NGEF: variants seen among roughly 807,000 people sequenced by gnomAD.
NGEF encodes neuronal guanine nucleotide exchange factor, also known as ephexin-1.
In NGEF, 31 loss-of-function variants were observed where a neutral mutation model predicts 80.9. That is an observed-to-expected ratio of 0.38 (90% CI 0.29 to 0.52). The LOEUF (loss-of-function observed/expected upper bound fraction) is 0.52, where lower values mean the gene tolerates loss of function less well. Among genes scored for constraint, NGEF ranks in the 20% least tolerant of loss-of-function variants. The probability of loss-of-function intolerance (pLI) is 0.84; values close to 1 mark genes in which losing one functional copy is unlikely to be tolerated. For synonymous variants in NGEF, 371 were observed against 370.2 expected (o/e 1.00, Z -0.03); for missense variants, 709 against 926.2 (o/e 0.77, Z 3.04).
chr2:233,006,100 G>A (rs1695078905), intron 1 of NGEF, among the ~76,000 whole-genome samples: 1 of 152,220 alleles, frequency 6.6e-6, no homozygotes, highest in Admixed American at 6.5e-5. Flanking sequence ...ACAGGCGTGA[G>A]CCACTGCGCC....
chr2:232,994,893 T>C (rs1474171440), intron 1 of NGEF, among the ~76,000 whole-genome samples: 1 of 150,856 alleles, frequency 6.6e-6, no homozygotes, highest in Non-Finnish European at 1.5e-5. Flanking sequence ...TATACATGCA[T>C]ATAATACATA....
chr2:232,904,140 C>G (rs910102678), intron 5 of NGEF, among the ~76,000 whole-genome samples: 21 of 152,194 alleles, frequency 1.4e-4, no homozygotes, highest in African/African-American at 4.8e-4. Flanking sequence ...CCCAGCAGGA[C>G]AAAGCCATTA....
chr2:232,909,931 C>T (rs536421424), intron 5 of NGEF, among the ~76,000 whole-genome samples: 68 of 152,314 alleles, frequency 4.5e-4, no homozygotes, highest in Admixed American at 3.4e-3. Context: ...TCGATGCTGT[C>T]GCATATCAAT....
intron 3 of NGEF, among the ~76,000 whole-genome samples, chr2:232,939,175 C>CAAAAA (rs60357492): frequency 6.1e-5 from 4 of 66,068 alleles, no homozygotes; most frequent in African/African-American, 1.8e-4. Flanking sequence ...GACTCAGTCT[C>CAAAAA]AAAAAAAAAA....
At chr2:233,012,382 G>T (rs965767497) in intron 1 of NGEF, among the ~76,000 whole-genome samples, 3 of 152,220 alleles carry the variant, frequency 2.0e-5, no homozygotes, top group East Asian at 1.9e-4. Flanking sequence ...CCGTGCTGTG[G>T]CTTGAGGCCA....
chr2:232,895,411 T>C lies in NGEF; in HGVS notation c.829-495A>G, dbSNP rs543758549. On this transcript the variant is annotated intron_variant, in intron 5 of 14. Coordinates refer to ENST00000264051, the MANE Select transcript of NGEF (RefSeq NM_019850.3). ...GTGTGGTAGCACATGCCTGTAATCC[T>C]AGCTGCTTGGGAGGCTGAGGCATGA... Among the ~76,000 whole-genome samples, 8 of 151,756 alleles carry C rather than the reference T, an allele frequency of 5.3e-5. No individual in the cohort carries two copies. The East Asian group carries it at 1.6e-3, about 30-fold the overall frequency.
chr2:232,890,633 A>G (rs900483424), intron 8 of NGEF, among the ~76,000 whole-genome samples: 1 of 152,110 alleles, frequency 6.6e-6, no homozygotes, highest in African/African-American at 2.4e-5. Flanking sequence ...GCTCAAGGTA[A>G]AAGCCGAGGA....
chr2:232,902,320 G>A (rs996370831), intron 5 of NGEF, among the ~76,000 whole-genome samples: 3 of 152,122 alleles, frequency 2.0e-5, no homozygotes, highest in Admixed American at 6.5e-5. Context: ...TGATGAAGTC[G>A]GACTCCAGAG....
intron 3 of NGEF, among the ~76,000 whole-genome samples, chr2:232,957,815 T>C (rs989197732): frequency 2.6e-5 from 4 of 152,174 alleles, no homozygotes; most frequent in Non-Finnish European, 5.9e-5. Context: ...TAGAACCACC[T>C]GCCCTGCAGC....
At chr2:232,953,363 A>G (rs188869342) in intron 3 of NGEF, among the ~76,000 whole-genome samples, 125 of 140,682 alleles carry the variant, frequency 8.9e-4, no homozygotes, top group Non-Finnish European at 1.4e-3. Flanking sequence ...GAAAGAAAGA[A>G]AGAGAGAGAG....
chr2:232,941,169 G>A (rs1693429920), intron 3 of NGEF, among the ~76,000 whole-genome samples: 1 of 152,114 alleles, frequency 6.6e-6, no homozygotes, highest in African/African-American at 2.4e-5. Context: ...GTCATGTCCT[G>A]GGTGGGGGCC....
chr2:232,989,473 A>T (rs1694607908), intron 1 of NGEF, among the ~76,000 whole-genome samples: 2 of 151,968 alleles, frequency 1.3e-5, no homozygotes, highest in African/African-American at 2.4e-5. Flanking sequence ...ACAAACAAAC[A>T]AAACTATGCC....
At chr2:232,941,177 G>A (rs1444485370) in intron 3 of NGEF, among the ~76,000 whole-genome samples, 1 of 152,094 alleles carries the variant, frequency 6.6e-6, no homozygotes. Context: ...CTGGGTGGGG[G>A]CCACAAGATC....
intron 1 of NGEF, among the ~76,000 whole-genome samples, chr2:232,997,616 G>A (rs1340829313): frequency 6.6e-6 from 1 of 152,106 alleles, no homozygotes; most frequent in Non-Finnish European, 1.5e-5. Context: ...CTCTGGCGAA[G>A]CATCCCACAT....
rs554082500 is a variant in NGEF, at chr2:232,995,393, A to G, written c.-75+17675T>C. On this transcript the variant is annotated intron_variant, in intron 1 of 14. Coordinates refer to ENST00000264051, the MANE Select transcript of NGEF (RefSeq NM_019850.3). ...TATATATACACAGTATGTATACTGT[A>G]TACTGTATATATATACACAGTATGT... 9.8e-4 allele frequency among the ~76,000 whole-genome samples: 10 copies of G among 10,222 alleles called. 5 individuals are homozygous for G. The highest frequency in any genetic ancestry group is 3.3e-3 in the African/African-American group (10 of 2,994). The allele number at this position is 10,222 out of a possible 152,430, so 6.7% of individuals were successfully genotyped here.
At chr2:232,991,253 A>G (rs1321642416) in intron 1 of NGEF, among the ~76,000 whole-genome samples, 1 of 152,120 alleles carries the variant, frequency 6.6e-6, no homozygotes, top group Non-Finnish European at 1.5e-5. Flanking sequence ...AGAGAAAAAA[A>G]TGTCATTCAG....
chr2:232,992,483 GGGA>G (rs1290471571), intron 1 of NGEF, among the ~76,000 whole-genome samples: 1 of 152,020 alleles, frequency 6.6e-6, no homozygotes, highest in East Asian at 1.9e-4. Context: ...ACTCAAGCCT[GGGA>G]GACAGAGGTT....
intron 1 of NGEF, among the ~76,000 whole-genome samples, chr2:233,000,676 C>CA (rs1467936124): frequency 5.9e-5 from 9 of 151,388 alleles, no homozygotes; most frequent in Non-Finnish European, 1.0e-4. Flanking sequence ...AGGAGAATGG[C>CA]GTGAACCTGG....
In NGEF at chr2:232,926,582, C is replaced by T. The variant is rs573545188; in HGVS notation, c.526+462G>A. Among the ~76,000 whole-genome samples, 3 of 152,282 alleles carry T rather than the reference C, an allele frequency of 2.0e-5. No individual in the cohort carries two copies. In the East Asian group the frequency reaches 5.8e-4, roughly 29 times the overall value. The stretch of plus-strand genomic sequence containing the variant: ...GCAAAGTTGGCCACCGCCTCCTCTT[C>T]TTGAATCGCACCAGGCTTTTCCCAG... On this transcript the variant is annotated intron_variant, in intron 4 of 14. Transcript: ENST00000264051.
Sources: gnomAD v4.1 joint callset for allele counts (sites outside exome capture counted in the v4.1 genomes callset) on GRCh38, gnomAD v4.1.1 for gene constraint, MANE v1.5 for transcripts, NCBI Gene and HGNC (gene_info 2026-07-23, HGNC 2026-07-21) for gene names.